DLGAP2: variants seen among roughly 807,000 people sequenced by gnomAD.
DLGAP2 encodes disks large-associated protein 2.
A neutral mutation model predicts 100.3 loss-of-function variants in DLGAP2; 26 were observed. The observed-to-expected ratio is 0.26, with a 90% CI of 0.19 to 0.36. DLGAP2 has a LOEUF of 0.36. DLGAP2 is among the 10% of genes least tolerant of loss of function. The pLI is 1.00. For missense variants in DLGAP2, 1,858 were observed against 1,453.2 expected, an observed-to-expected ratio of 1.28 and a Z score of -4.53; for synonymous variants, 886 against 630.1, an observed-to-expected ratio of 1.41 and a Z score of -6.08.
intron 2 of DLGAP2, among the ~76,000 whole-genome samples, chr8:1,179,089 C>T (rs1343003704): frequency 6.6e-6 from 1 of 152,240 alleles, no homozygotes; most frequent in East Asian, 1.9e-4. Context: ...TTAAAAGAAG[C>T]ATCAAGTGAC....
At chr8:791,596 A>C (rs1389633586) in intron 1 of DLGAP2, among the ~76,000 whole-genome samples, 1 of 152,150 alleles carries the variant, frequency 6.6e-6, no homozygotes, top group Non-Finnish European at 1.5e-5. Flanking sequence ...TTCTAACATA[A>C]ATAATTATGA....
At chr8:1,079,325 T>C (rs1803723561) in intron 2 of DLGAP2, among the ~76,000 whole-genome samples, 1 of 152,220 alleles carries the variant, frequency 6.6e-6, no homozygotes, top group Non-Finnish European at 1.5e-5. Flanking sequence ...TTTACAAATA[T>C]TTTCTCTCAG....
At chr8:767,377 G>A (rs891554737) in intron 1 of DLGAP2, among the ~76,000 whole-genome samples, 1 of 139,206 alleles carries the variant, frequency 7.2e-6, no homozygotes, top group Admixed American at 7.6e-5. Flanking sequence ...TTGAGACAGA[G>A]TTTCGGTCTG....
At chr8:928,371 C>G (rs888373212) in intron 2 of DLGAP2, among the ~76,000 whole-genome samples, 1 of 152,040 alleles carries the variant, frequency 6.6e-6, no homozygotes, top group Admixed American at 6.5e-5. Flanking sequence ...CGGGGATTTA[C>G]GGAGGTCGAG....
chr8:1,430,147 G>A (rs1306831396), intron 3 of DLGAP2, among the ~76,000 whole-genome samples: 1 of 150,164 alleles, frequency 6.7e-6, no homozygotes, highest in Non-Finnish European at 1.5e-5. Context: ...GGCTCCTTAG[G>A]AGGTTTCAGC....
intron 2 of DLGAP2, among the ~76,000 whole-genome samples, chr8:1,038,401 C>T (rs1802196292): frequency 6.6e-6 from 1 of 152,132 alleles, no homozygotes; most frequent in African/African-American, 2.4e-5. Flanking sequence ...AGCAAATGTC[C>T]TCTGAAGTCC....
At chr8:1,246,700 G>A (rs1360518743) in intron 2 of DLGAP2, 1 of 152,306 alleles carries the variant, frequency 6.6e-6, no homozygotes, top group Admixed American at 6.5e-5. Context: ...CCTGGAGGTT[G>A]AGCATAAACC....
chr8:1,008,205 A>G (rs1801176650), intron 2 of DLGAP2, among the ~76,000 whole-genome samples: 1 of 152,278 alleles, frequency 6.6e-6, no homozygotes, highest in Admixed American at 6.5e-5. Flanking sequence ...TTGATAAAAG[A>G]TAAATGTCAG....
intron 1 of DLGAP2, among the ~76,000 whole-genome samples, chr8:879,669 C>T (rs1420487259): frequency 1.3e-5 from 2 of 152,184 alleles, no homozygotes; most frequent in Non-Finnish European, 2.9e-5. Context: ...ACTCACTTCC[C>T]TCCCTAATCT....
At chr8:1,365,269 C>A (rs895833771) in intron 3 of DLGAP2, among the ~76,000 whole-genome samples, 1 of 152,134 alleles carries the variant, frequency 6.6e-6, no homozygotes, top group African/African-American at 2.4e-5. Flanking sequence ...GCCTCAAGCT[C>A]CGGGGATGTG....
At chr8:868,621 T>C (rs1294028876) in intron 1 of DLGAP2, among the ~76,000 whole-genome samples, 1 of 152,350 alleles carries the variant, frequency 6.6e-6, no homozygotes, top group South Asian at 2.1e-4. Context: ...GTTACGTTAG[T>C]GTCTGCCTCG....
intron 2 of DLGAP2, among the ~76,000 whole-genome samples, chr8:960,682 T>G (rs1022357351): frequency 2.6e-5 from 4 of 152,242 alleles, no homozygotes; most frequent in African/African-American, 9.6e-5. Context: ...TACTGGAAAT[T>G]GGACATACAT....
intron 1 of DLGAP2, among the ~76,000 whole-genome samples, chr8:886,534 T>A (rs1273828163): frequency 6.6e-6 from 1 of 152,246 alleles, no homozygotes; most frequent in South Asian, 2.1e-4. Context: ...CTCTTAACAC[T>A]GCTTTAGCTG....
At position 1,683,980 on chromosome 8, in the gene DLGAP2, A is replaced by G. The variant is rs1308262948; in HGVS notation, c.2704+5351A>G. 2.4e-5 allele frequency among the ~76,000 whole-genome samples: 3 copies of G among 124,178 alleles called. No individual in the cohort carries two copies. In the East Asian group the frequency reaches 7.2e-4, roughly 30 times the overall value. 81.5% of individuals were successfully genotyped at this position (124,178 alleles called of 152,430 possible). On this transcript the variant is annotated intron_variant, in intron 12 of 14. Coordinates refer to ENST00000637795, the MANE Select transcript of DLGAP2 (RefSeq NM_001346810.2). ...TATATATATATATATATATATATAT[A>G]TATATATACTTTTTTTTTTAAGACG...
chr8:1,192,128 G>A (rs554382511), intron 2 of DLGAP2, among the ~76,000 whole-genome samples: 10 of 152,258 alleles, frequency 6.6e-5, no homozygotes, highest in Non-Finnish European at 8.8e-5. Context: ...CCTCTCGTAC[G>A]TGATGAAACT....
Position 1,701,793 on chromosome 8 carries a change from A to C in DLGAP2, c.*387A>C. 4.4e-6 allele frequency: 1 copy of C among 228,032 alleles called. No individual in the cohort carries two copies. Among genetic ancestry groups the C allele is most frequent in the South Asian group, 1.1e-4 (1 of 9,126 alleles). 14.1% of individuals were successfully genotyped at this position (228,032 alleles called of 1,614,324 possible). ...GTGATAATTAGAGGTAAGAATAACA[A>C]GTAACTATAAACGGGTGCATCCCAC... On this transcript the variant is annotated 3_prime_UTR_variant, in exon 15 of 15. Transcript: ENST00000637795.
intron 1 of DLGAP2, among the ~76,000 whole-genome samples, chr8:888,191 G>T (rs1390471112): frequency 6.6e-6 from 1 of 152,120 alleles, no homozygotes; most frequent in African/African-American, 2.4e-5. Flanking sequence ...ATTGATACTT[G>T]TGTATGCTTC....
At chr8:1,224,223 C>T (rs1222784784) in intron 2 of DLGAP2, among the ~76,000 whole-genome samples, 1 of 152,014 alleles carries the variant, frequency 6.6e-6, no homozygotes, top group Non-Finnish European at 1.5e-5. Context: ...ACCTGGCATT[C>T]GTGGCACATT....
chr8:813,057 C>T (rs940138794), intron 1 of DLGAP2, among the ~76,000 whole-genome samples: 39 of 152,280 alleles, frequency 2.6e-4, no homozygotes, highest in African/African-American at 9.4e-4. Flanking sequence ...CCCCGGTATG[C>T]TTTGCTATAG....
Sources: gnomAD v4.1 joint callset for allele counts (sites outside exome capture counted in the v4.1 genomes callset) on GRCh38, gnomAD v4.1.1 for gene constraint, MANE v1.5 for transcripts, NCBI Gene and HGNC (gene_info 2026-07-23, HGNC 2026-07-21) for gene names.